AGBL4: variants seen among roughly 807,000 people sequenced by gnomAD.
AGBL4 encodes cytosolic carboxypeptidase 6.
A neutral mutation model predicts 66.4 loss-of-function variants in AGBL4; 58 were observed. The observed-to-expected ratio is 0.87, with a 90% CI of 0.71 to 1.09. The LOEUF is 1.09. AGBL4 is among the 50% of genes least tolerant of loss of function. The pLI, the probability that AGBL4 is intolerant of heterozygous loss-of-function variation, is 0.00. For missense variants in AGBL4, 579 were observed against 631.0 expected, an observed-to-expected ratio of 0.92 and a Z score of 0.88; for synonymous variants, 234 against 222.9, an observed-to-expected ratio of 1.05 and a Z score of -0.44.
At chr1:49,471,352 ATTTGTT>A (rs892256689) in intron 3 of AGBL4, among the ~76,000 whole-genome samples, 4 of 151,984 alleles carry the variant, frequency 2.6e-5, no homozygotes, top group African/African-American at 9.7e-5. Context: ...TCTTCCAAAA[ATTTGTT>A]TTTGTTTTTG....
chr1:48,606,963 T>A (rs191189), intron 9 of AGBL4, among the ~76,000 whole-genome samples: 3 of 152,024 alleles, frequency 2.0e-5, no homozygotes, highest in Non-Finnish European at 4.4e-5. Context: ...TGTGTGACTT[T>A]AAAGGAGTTA....
intron 3 of AGBL4, among the ~76,000 whole-genome samples, chr1:49,636,831 T>TAA (rs771734759): frequency 1.2e-3 from 177 of 152,310 alleles, no homozygotes; most frequent in Non-Finnish European, 2.2e-3. Flanking sequence ...ATGCAACAGT[T>TAA]AATACTGAGT....
intron 5 of AGBL4, among the ~76,000 whole-genome samples, chr1:48,974,165 C>T (rs534887806): frequency 1.5e-4 from 23 of 152,046 alleles, no homozygotes; most frequent in Admixed American, 8.5e-4. Context: ...GAAAGAAGGA[C>T]GAAAGTTTAG....
chr1:49,569,788 C>T (rs548740700), intron 3 of AGBL4, among the ~76,000 whole-genome samples: 129 of 152,192 alleles, frequency 8.5e-4, no homozygotes, highest in African/African-American at 2.9e-3. Flanking sequence ...TCTCTATATC[C>T]ATATGTATAC....
At chr1:48,585,710 C>G (rs1209052266) in intron 11 of AGBL4, 2 of 152,266 alleles carry the variant, frequency 1.3e-5, no homozygotes, top group African/African-American at 4.8e-5. Flanking sequence ...GAACATTGCT[C>G]TAACACCTGG....
At chr1:49,085,819 TC>T (rs1468948569) in intron 4 of AGBL4, among the ~76,000 whole-genome samples, 1 of 152,118 alleles carries the variant, frequency 6.6e-6, no homozygotes, top group African/African-American at 2.4e-5. Context: ...CTCCCCTGTT[TC>T]CCCCTACCAC....
At chr1:49,302,174 C>A (rs1314058027) in intron 3 of AGBL4, among the ~76,000 whole-genome samples, 1 of 151,888 alleles carries the variant, frequency 6.6e-6, no homozygotes, top group African/African-American at 2.4e-5. Flanking sequence ...ATTATTGTCA[C>A]ATTTAGCTTT....
chr1:48,994,425 T>C (rs1021852441), intron 5 of AGBL4, among the ~76,000 whole-genome samples: 10 of 152,192 alleles, frequency 6.6e-5, no homozygotes, highest in Non-Finnish European at 1.3e-4. Context: ...CATAGGTATA[T>C]GCTATGACTA....
Position 49,045,630 on chromosome 1 carries a change from T to C in AGBL4, c.548A>G (p.Lys183Arg). ...CCGAAAGAAGTAATCCATGTTTCTCTTTTGCAGGCTGTCAAGGTAATGTTG... is the reference window on the plus strand; with the variant it reads ...CCGAAAGAAGTAATCCATGTTTCTCCTTTGCAGGCTGTCAAGGTAATGTTG... ...RFQHYLDSLQ[K>R]RNMDYFFREQ... Residue 183 changes from lysine to arginine, a missense_variant, in exon 5 of 14, where the codon AAG (lysine) becomes AGG (arginine). Physicochemically the swap from Lys to Arg is conservative, Grantham distance 26. Transcript: ENST00000371839. 1.2e-6 allele frequency: 2 copies of C among 1,601,316 alleles called. No individual in the cohort carries two copies. The highest frequency in any genetic ancestry group is 3.4e-5 in the Admixed American group (2 of 58,700).
In AGBL4 at chr1:49,735,445, G is replaced by C. The variant is rs1649806775; in HGVS notation, c.158-38008C>G. ...AGATGATGGAAAAAGGCAAGAAAATGTATTCTCCCATTGATCCTCCAGAAG... is the reference window on the plus strand; with the variant it reads ...AGATGATGGAAAAAGGCAAGAAAATCTATTCTCCCATTGATCCTCCAGAAG... On this transcript the variant is annotated intron_variant, in intron 2 of 13. Transcript: ENST00000371839. Among the ~76,000 whole-genome samples the C allele has an allele frequency of 2.0e-5, 3 of 151,242 alleles. No homozygotes were observed. The East Asian group carries it at 5.8e-4, about 29-fold the overall frequency.
intron 11 of AGBL4, among the ~76,000 whole-genome samples, chr1:48,578,249 G>A (rs1644684579): frequency 6.6e-6 from 1 of 152,128 alleles, no homozygotes; most frequent in Non-Finnish European, 1.5e-5. Flanking sequence ...AGGGACCTGA[G>A]CCTCTTCATG....
chr1:49,233,471 T>C (rs1329725984), intron 4 of AGBL4, among the ~76,000 whole-genome samples: 1 of 152,208 alleles, frequency 6.6e-6, no homozygotes, highest in Non-Finnish European at 1.5e-5. Context: ...CTGGGATACT[T>C]GCAATAACTG....
intron 6 of AGBL4, among the ~76,000 whole-genome samples, chr1:48,836,680 T>C (rs1489078735): frequency 6.6e-6 from 1 of 152,162 alleles, no homozygotes; most frequent in African/African-American, 2.4e-5. Context: ...ATGATGATGA[T>C]ACGTATAATA....
At chr1:49,601,083 G>A (rs1004447108) in intron 3 of AGBL4, among the ~76,000 whole-genome samples, 2 of 152,044 alleles carry the variant, frequency 1.3e-5, no homozygotes, top group Non-Finnish European at 2.9e-5. Flanking sequence ...TTTCAACCTT[G>A]GTGAATCTGA....
chr1:48,817,304 ATC>A (rs1171632180), intron 6 of AGBL4, among the ~76,000 whole-genome samples: 2 of 152,210 alleles, frequency 1.3e-5, no homozygotes, highest in Non-Finnish European at 2.9e-5. Flanking sequence ...AGCCTCCAGA[ATC>A]AAATGAGATA....
chr1:49,767,985 T>TA (rs1161416588), intron 2 of AGBL4, among the ~76,000 whole-genome samples: 2,273 of 132,920 alleles, frequency 0.017, 38 homozygotes, highest in Non-Finnish European at 0.022. Flanking sequence ...AAGTATAATT[T>TA]AAAAAAAAAA....
chr1:49,505,773 T>C (rs2148772181), intron 3 of AGBL4, among the ~76,000 whole-genome samples: 1 of 152,104 alleles, frequency 6.6e-6, no homozygotes, highest in South Asian at 2.1e-4. Context: ...TATATACATC[T>C]TTCCCTGGAT....
At chr1:49,923,442 C>T (rs1420807158) in intron 1 of AGBL4, among the ~76,000 whole-genome samples, 1 of 150,508 alleles carries the variant, frequency 6.6e-6, no homozygotes, top group Non-Finnish European at 1.5e-5. Flanking sequence ...ATGATGGTGA[C>T]AAAATAAAAA....
chr1:49,074,896 C>T (rs145202156), intron 4 of AGBL4, among the ~76,000 whole-genome samples: 117 of 152,270 alleles, frequency 7.7e-4, no homozygotes, highest in African/African-American at 2.8e-3. Flanking sequence ...CCACATCTTG[C>T]CCTCAGCTAG....
Sources: allele counts gnomAD v4.1 joint callset (sites outside exome capture counted in the v4.1 genomes callset), GRCh38; gene constraint gnomAD v4.1.1; transcripts MANE v1.5; gene names NCBI Gene and HGNC (gene_info 2026-07-23, HGNC 2026-07-21).